Variants in GSDME observed in about 807,000 individuals in gnomAD.
GSDME encodes the protein gasdermin E.
Under a neutral mutation model 47.5 loss-of-function variants are expected in GSDME, and 44 were observed. That is an observed-to-expected ratio of 0.93 (90% confidence interval 0.73 to 1.19). The LOEUF (loss-of-function observed/expected upper bound fraction) is 1.19, where lower values mean the gene tolerates loss of function less well. Ranked by LOEUF, GSDME falls within the 50% of genes most tolerant of loss-of-function variation. GSDME has a pLI of 0.00. For synonymous variants in GSDME, 258 were observed against 252.8 expected, an observed-to-expected ratio of 1.02 and a Z score of -0.20; for missense variants, 663 against 604.2, an observed-to-expected ratio of 1.10 and a Z score of -1.02.
the GSDME span, among the ~76,000 whole-genome samples, chr7:24,781,412 G>A: frequency 6.6e-6 from 1 of 152,102 alleles, no homozygotes; most frequent in Non-Finnish European, 1.5e-5. Context: ...ACTCATGGCC[G>A]GTGAATTTAT....
chr7:24,752,330 C>T (rs1185357651), intron 1 of GSDME, among the ~76,000 whole-genome samples: 2 of 152,194 alleles, frequency 1.3e-5, no homozygotes, highest in African/African-American at 4.8e-5. Context: ...GGGAGGCCCC[C>T]AATCCATGTC....
At chr7:24,740,631 A>T (rs1790458190) in intron 3 of GSDME, among the ~76,000 whole-genome samples, 1 of 152,010 alleles carries the variant, frequency 6.6e-6, no homozygotes, top group Non-Finnish European at 1.5e-5. Flanking sequence ...AAAAAATGTC[A>T]TATATCCCAT....
chr7:24,698,825 C>T lies in GSDME; in HGVS notation c.*201G>A, dbSNP rs1788740234. Reference sequence around the variant, plus strand: ...TAACTCAGATGCTGGGTCACCAGCACAGGAGGGCCTCTGATAAGGAAAACT... The same window carrying T: ...TAACTCAGATGCTGGGTCACCAGCATAGGAGGGCCTCTGATAAGGAAAACT... On this transcript the variant is annotated 3_prime_UTR_variant, in exon 10 of 10. Transcript: ENST00000645220. 9.9e-6 allele frequency: 6 copies of T among 608,476 alleles called. No individual in the cohort carries two copies. Among genetic ancestry groups the T allele is most frequent in the Non-Finnish European group, 1.8e-5 (6 of 336,114 alleles). 37.7% of individuals were successfully genotyped at this position (608,476 alleles called of 1,614,324 possible). A position where few individuals can be genotyped will look rare whatever the true frequency, so the allele number is the denominator to read the frequency against.
At chr7:24,766,214 T>TGTGCGC in the GSDME span, among the ~76,000 whole-genome samples, 15,528 of 151,238 alleles carry the variant, frequency 0.1, 977 homozygotes, top group East Asian at 0.18. The surrounding 1 kb of genome is among the most constrained non-coding windows in gnomAD (Gnocchi z 4.2). Context: ...TGTGTGTGTG[T>TGTGCGC]GCATGTTTGC....
intron 7 of GSDME, 29 bp from the exon 8 acceptor site, chr7:24,706,405 G>A (rs1789107211): frequency 6.2e-7 from 1 of 1,603,428 alleles, no homozygotes; most frequent in South Asian, 1.1e-5. Flanking sequence ...GAAGGGTCAT[G>A]ACACAGCTGG....
At position 24,756,322 on chromosome 7, in the gene GSDME, C is replaced by T. The variant is rs1200631882; in HGVS notation, c.-20+1074G>A. ...GCTGCAGTGAGCTAGGATAGTGCCA[C>T]TGCACTCCAGCCTTGGTGACAGAGC... On this transcript the variant is annotated intron_variant, in intron 1 of 9. Transcript: ENST00000645220. This position sits in a 1 kb window ranked among gnomAD's most constrained non-coding sequence, Gnocchi z 4.2. 6.6e-6 allele frequency among the ~76,000 whole-genome samples: 1 copy of T among 152,178 alleles called. No homozygotes were observed. Among genetic ancestry groups the T allele is most frequent in the African/African-American group, 2.4e-5 (1 of 41,432 alleles).
chr7:24,776,220 A>G, the GSDME span, among the ~76,000 whole-genome samples: 1 of 147,474 alleles, frequency 6.8e-6, no homozygotes, highest in African/African-American at 2.5e-5. Flanking sequence ...GCTAAGAAGG[A>G]GTTGTGATAT....
chr7:24,771,341 T>C, the GSDME span, among the ~76,000 whole-genome samples: 1 of 152,274 alleles, frequency 6.6e-6, no homozygotes, highest in Non-Finnish European at 1.5e-5. This position sits in a 1 kb window ranked among gnomAD's most constrained non-coding sequence, Gnocchi z 4.1. Context: ...TTTTTGTTTA[T>C]TTAGAGTCAG....
the GSDME span, among the ~76,000 whole-genome samples, chr7:24,768,096 G>A: frequency 6.6e-6 from 1 of 152,324 alleles, no homozygotes; most frequent in Admixed American, 6.5e-5. This position sits in a 1 kb window ranked among gnomAD's most constrained non-coding sequence, Gnocchi z 5.6. Context: ...TTTGTGGTCA[G>A]CACAGTCCCT....
In GSDME at chr7:24,702,759, C is replaced by CA; in HGVS notation, c.1257_1257+1insT (p.Leu420SerfsTer6). Reference sequence around the variant, plus strand: ...AAGGTCCCACCTGGGAGGTTGCTTACCAAGTGGCACAGTGTGGGAATGATC... The same window carrying CA: ...AAGGTCCCACCTGGGAGGTTGCTTACACAAGTGGCACAGTGTGGGAATGATC... On this transcript the variant is annotated frameshift_variant and splice_region_variant. Coordinates refer to ENST00000645220, the MANE Select transcript of GSDME (RefSeq NM_001127453.2). LOFTEE classifies it high-confidence loss of function. 6.2e-7 allele frequency: 1 copy of CA among 1,613,046 alleles called. No individual in the cohort carries two copies. Among genetic ancestry groups the CA allele is most frequent in the Non-Finnish European group, 8.5e-7 (1 of 1,179,316 alleles).
chr7:24,784,241 G>A, the GSDME span, among the ~76,000 whole-genome samples: 1 of 152,144 alleles, frequency 6.6e-6, no homozygotes, highest in Non-Finnish European at 1.5e-5. Context: ...GTTCTGCGGA[G>A]GGACAGAACT....
rs538785085 is a variant in GSDME at position 24,744,913 on chromosome 7, CAG to C, written c.212-161_212-160del. On this transcript the variant is annotated intron_variant, in intron 2 of 9. Coordinates refer to ENST00000645220, the MANE Select transcript of GSDME (RefSeq NM_001127453.2). This position sits in a 1 kb window ranked among gnomAD's most constrained non-coding sequence, Gnocchi z 4.5. ...CATGCTGTGTGTGTGGGCAAGAAAACAGGGCAGCACGTGTGTGTGTGTGTGTG... is the reference window on the plus strand; with the variant it reads ...CATGCTGTGTGTGTGGGCAAGAAAACGGCAGCACGTGTGTGTGTGTGTGTG... 1.7e-3 allele frequency among the ~76,000 whole-genome samples: 223 copies of C among 129,610 alleles called. 4 individuals carry two copies. The highest frequency in any genetic ancestry group is 0.016 in the Admixed American group (210 of 12,754). The allele number at this position is 129,610 out of a possible 152,430, so 85.0% of individuals were successfully genotyped here.
chr7:24,788,644 A>G, the GSDME span, among the ~76,000 whole-genome samples: 2 of 152,186 alleles, frequency 1.3e-5, no homozygotes, highest in East Asian at 3.8e-4. This position sits in a 1 kb window ranked among gnomAD's most constrained non-coding sequence, Gnocchi z 4.6. Flanking sequence ...TAACGGTGAT[A>G]ATGCTGGTAT....
At position 24,712,669 on chromosome 7, in the gene GSDME, A is replaced by G. The variant is rs1280746794; in HGVS notation, c.698-2281T>C. Among the ~76,000 whole-genome samples, 1 of 152,134 alleles carries G rather than the reference A, an allele frequency of 6.6e-6. No individual in the cohort carries two copies. Among genetic ancestry groups the G allele is most frequent in the East Asian group, 1.9e-4 (1 of 5,190 alleles). On this transcript the variant is annotated intron_variant, in intron 5 of 9. Transcript: ENST00000645220. The surrounding 1 kb of genome is among the most constrained non-coding windows in gnomAD (Gnocchi z 4.4). ...CCAGCGGGTGGAGGGGAGGAAAAAC[A>G]TCTTTCCTTCTGCTCATCCTAGGTT...
At chr7:24,778,668 A>T in the GSDME span, among the ~76,000 whole-genome samples, 1 of 152,052 alleles carries the variant, frequency 6.6e-6, no homozygotes, top group Non-Finnish European at 1.5e-5. This position sits in a 1 kb window ranked among gnomAD's most constrained non-coding sequence, Gnocchi z 5.6. Flanking sequence ...TTCCATCCTT[A>T]TGCCCATGGG....
the GSDME span, among the ~76,000 whole-genome samples, chr7:24,784,656 T>C: frequency 6.6e-5 from 9 of 137,284 alleles, no homozygotes; most frequent in African/African-American, 2.5e-4. Context: ...TGAGACAGAG[T>C]CTCGGCAATT....
chr7:24,774,855 T>C, the GSDME span, among the ~76,000 whole-genome samples: 1 of 152,156 alleles, frequency 6.6e-6, no homozygotes, highest in East Asian at 1.9e-4. Flanking sequence ...TCTTTAGAGC[T>C]GATGCAGATG....
intron 8 of GSDME, chr7:24,703,241 C>A (rs527265952): frequency 2.7e-4 from 90 of 335,166 alleles, no homozygotes; most frequent in African/African-American, 1.7e-3. Flanking sequence ...TCCTCATTTA[C>A]CATAGTTGTT....
the GSDME span, among the ~76,000 whole-genome samples, chr7:24,790,737 C>T: frequency 6.6e-6 from 1 of 152,200 alleles, no homozygotes; most frequent in Non-Finnish European, 1.5e-5. This position sits in a 1 kb window ranked among gnomAD's most constrained non-coding sequence, Gnocchi z 4.1. Flanking sequence ...TGGGTTATAA[C>T]ACACATCAGG....
Sources: gnomAD v4.1 joint callset for allele counts (sites outside exome capture counted in the v4.1 genomes callset) on GRCh38, gnomAD v4.1.1 for gene constraint, Gnocchi (gnomAD v3.1) non-coding constraint, MANE v1.5 for transcripts, NCBI Gene and HGNC (gene_info 2026-07-23, HGNC 2026-07-21) for gene names.